The following PPP2R5D variants were observed in gnomAD, a reference collection of about 807,000 sequenced individuals.
PPP2R5D encodes the protein protein phosphatase 2 regulatory subunit B'delta.
PPP2R5D carries 12 observed loss-of-function variants against 79.1 expected under a neutral mutation model. That is an observed-to-expected ratio of 0.15 (90% CI 0.10 to 0.25). PPP2R5D has a LOEUF of 0.25. Among genes scored for constraint, PPP2R5D ranks in the 10% least tolerant of loss-of-function variants. PPP2R5D has a pLI of 1.00. For missense variants in PPP2R5D, 419 were observed against 760.2 expected, an observed-to-expected ratio of 0.55 and a Z score of 5.28; for synonymous variants, 277 against 286.6, an observed-to-expected ratio of 0.97 and a Z score of 0.34.
In PPP2R5D at chr6:43,006,471, GCAGCCCCAGCCCCAGCCC is replaced by G; in HGVS notation, c.123_140del (p.Pro42_Gln47del). On this transcript the variant is annotated inframe_deletion, in exon 3 of 16. Coordinates refer to ENST00000485511, the MANE Select transcript of PPP2R5D (RefSeq NM_006245.4). This position sits in a 1 kb window ranked among gnomAD's most constrained non-coding sequence, Gnocchi z 4.7. ...GTGACTTGTTTGACCAGGCCCAGCC[GCAGCCCCAGCCCCAGCCC>G]CAGCCCCAAGCCCAGTCTCAGCCAC... 9.9e-6 allele frequency: 16 copies of G among 1,612,868 alleles called. No individual in the cohort carries two copies. The highest frequency in any genetic ancestry group is 5.5e-5 in the South Asian group (5 of 91,012).
At chr6:42,996,005 A>AT (rs1320953993) in intron 2 of PPP2R5D, among the ~76,000 whole-genome samples, 2,426 of 111,508 alleles carry the variant, frequency 0.022, 27 homozygotes, top group South Asian at 0.037. Context: ...GGGACTTTCT[A>AT]TTTTTTTTTT....
In PPP2R5D at chr6:43,007,893, G is replaced by A. The variant is rs1274700433; in HGVS notation, c.727-42G>A. 4 of 1,610,426 alleles carry A rather than the reference G, an allele frequency of 2.5e-6. No individual in the cohort carries two copies. Among genetic ancestry groups the A allele is most frequent in the Admixed American group, 3.3e-5 (2 of 59,934 alleles). ...GTCACCCTGGCCACTGCCTTCCCTG[G>A]CTGCTGCCTCACTGGCTGCTTTCCC... On this transcript the variant is annotated intron_variant, in intron 6 of 15. Transcript: ENST00000485511. The surrounding 1 kb of genome is among the most constrained non-coding windows in gnomAD (Gnocchi z 4.5).
Position 43,006,391 on chromosome 6 carries a change from T to G in PPP2R5D, c.106-72T>G, listed in dbSNP as rs949775142. 8 of 1,552,534 alleles carry G rather than the reference T, an allele frequency of 5.2e-6. No individual in the cohort carries two copies. Among genetic ancestry groups the G allele is most frequent in the African/African-American group, 1.4e-5 (1 of 73,694 alleles). On this transcript the variant is annotated intron_variant, in intron 2 of 15. Transcript: ENST00000485511. This position sits in a 1 kb window ranked among gnomAD's most constrained non-coding sequence, Gnocchi z 4.7. Reference sequence around the variant, plus strand: ...AGGCCTGTGCAGGCATAAACAGACTTGGGGATGGCCAGGCCCAGGGTGGGA... The same window carrying G: ...AGGCCTGTGCAGGCATAAACAGACTGGGGGATGGCCAGGCCCAGGGTGGGA...
intron 2 of PPP2R5D, among the ~76,000 whole-genome samples, chr6:42,998,971 G>C (rs976072743): frequency 6.6e-6 from 1 of 152,212 alleles, no homozygotes; most frequent in African/African-American, 2.4e-5. Context: ...GGAGGCAGAG[G>C]TTGCAGTGAG....
At chr6:42,992,389 G>A (rs1477824288) in intron 2 of PPP2R5D, among the ~76,000 whole-genome samples, 1 of 152,132 alleles carries the variant, frequency 6.6e-6, no homozygotes, top group Non-Finnish European at 1.5e-5. Context: ...GGAATTTTGG[G>A]CTCTTCTAGC....
Position 42,984,628 on chromosome 6 carries a change from C to G in PPP2R5D, c.-50C>G, listed in dbSNP as rs1456630695. On this transcript the variant is annotated 5_prime_UTR_variant, in exon 1 of 16. Transcript: ENST00000485511. Reference sequence around the variant, plus strand: ...CGGGCCGAGTGCGGCCGAGCAAAGCCGGAGCCGGAGCGGGGCCGCAGGAGA... The same window carrying G: ...CGGGCCGAGTGCGGCCGAGCAAAGCGGGAGCCGGAGCGGGGCCGCAGGAGA... 6.4e-7 allele frequency: 1 copy of G among 1,567,556 alleles called. No individual in the cohort carries two copies. Among genetic ancestry groups the G allele is most frequent in the Non-Finnish European group, 8.6e-7 (1 of 1,158,312 alleles).
chr6:42,986,464 G>C (rs1272548510), intron 1 of PPP2R5D, among the ~76,000 whole-genome samples: 5 of 152,252 alleles, frequency 3.3e-5, no homozygotes, highest in African/African-American at 1.2e-4. Context: ...AGGCAGCTCT[G>C]ATTCTGAGTT....
chr6:42,986,219 G>C (rs1347238313), intron 1 of PPP2R5D, among the ~76,000 whole-genome samples: 1 of 152,108 alleles, frequency 6.6e-6, no homozygotes, highest in Non-Finnish European at 1.5e-5. Flanking sequence ...GTTCCTTTGA[G>C]GTACAGACTC....
Position 43,009,005 on chromosome 6 carries a change from G to A in PPP2R5D, c.1081-52G>A. On this transcript the variant is annotated intron_variant, in intron 10 of 15. Transcript: ENST00000485511. This position sits in a 1 kb window ranked among gnomAD's most constrained non-coding sequence, Gnocchi z 5.6. Reference sequence around the variant, plus strand: ...AGAGCAGGTAGGAAAACTTCCTGGTGACCTAGGCAGGTGCAAAGAATTTTC... The same window carrying A: ...AGAGCAGGTAGGAAAACTTCCTGGTAACCTAGGCAGGTGCAAAGAATTTTC... 2 of 1,585,842 alleles carry A rather than the reference G, an allele frequency of 1.3e-6. No individual in the cohort carries two copies. The highest frequency in any genetic ancestry group is 1.7e-6 in the Non-Finnish European group (2 of 1,162,454).
At chr6:43,003,499 A>G (rs1229427969) in intron 2 of PPP2R5D, among the ~76,000 whole-genome samples, 1 of 152,188 alleles carries the variant, frequency 6.6e-6, no homozygotes, top group Non-Finnish European at 1.5e-5. Flanking sequence ...TAAAAGCAGT[A>G]TCATACTACA....
chr6:43,007,173 C>G lies in PPP2R5D; in HGVS notation c.523-23C>G. On this transcript the variant is annotated intron_variant, in intron 4 of 15. Transcript: ENST00000485511. The surrounding 1 kb of genome is among the most constrained non-coding windows in gnomAD (Gnocchi z 4.5). ...GGGCTCTGGAGAAGCCCAGGTGGAG[C>G]TCTAACTGGCCCTACCCCTCAGTTT... 4 of 1,614,024 alleles carry G rather than the reference C, an allele frequency of 2.5e-6. No individual in the cohort carries two copies. The highest frequency in any genetic ancestry group is 3.4e-6 in the Non-Finnish European group (4 of 1,179,906).
At chr6:42,993,408 T>C (rs1006616978) in intron 2 of PPP2R5D, among the ~76,000 whole-genome samples, 3 of 151,458 alleles carry the variant, frequency 2.0e-5, no homozygotes, top group African/African-American at 7.3e-5. Flanking sequence ...GAGGCGGAGG[T>C]TGCAGTGAGA....
At chr6:43,001,215 C>T (rs916829320) in intron 2 of PPP2R5D, among the ~76,000 whole-genome samples, 2 of 152,204 alleles carry the variant, frequency 1.3e-5, no homozygotes, top group Non-Finnish European at 2.9e-5. Flanking sequence ...AGTGCAATGA[C>T]ATGATCTCAG....
At chr6:42,986,910 T>A (rs1770896668) in intron 1 of PPP2R5D, among the ~76,000 whole-genome samples, 1 of 152,106 alleles carries the variant, frequency 6.6e-6, no homozygotes, top group African/African-American at 2.4e-5. Context: ...ATAAGGTTTT[T>A]CTGCTCTTGA....
intron 2 of PPP2R5D, among the ~76,000 whole-genome samples, chr6:43,004,554 T>C (rs1267765299): frequency 6.8e-6 from 1 of 146,406 alleles, no homozygotes; most frequent in African/African-American, 2.6e-5. Context: ...ATTTTCACAT[T>C]GGATTCTTTT....
In PPP2R5D at chr6:42,989,679, C is replaced by T. The variant is rs1162385186; in HGVS notation, c.96C>T (p.Asn32=). The stretch of plus-strand genomic sequence containing the variant: ...CGGGCAAGGATGGTGGAGGCGAGAA[C>T]ACTGAGGAGGTAATGAATGTAGGCG... ...SSSGKDGGGE[N]TEEAQPQPQP... Residue 32 remains asparagine (N), a synonymous_variant, in exon 2 of 16, where the codon AAC becomes AAT. Coordinates refer to ENST00000485511, the MANE Select transcript of PPP2R5D (RefSeq NM_006245.4). 2.5e-6 allele frequency: 4 copies of T among 1,613,582 alleles called. No individual in the cohort carries two copies. The highest frequency in any genetic ancestry group is 3.4e-6 in the Non-Finnish European group (4 of 1,179,640).
intron 2 of PPP2R5D, among the ~76,000 whole-genome samples, chr6:43,002,714 T>A (rs990396665): frequency 6.6e-5 from 10 of 152,202 alleles, no homozygotes; most frequent in African/African-American, 2.2e-4. Flanking sequence ...CAAGTCCACA[T>A]CATTGTTTTT....
chr6:42,989,894 C>A (rs1771136408), intron 2 of PPP2R5D, among the ~76,000 whole-genome samples: 1 of 152,342 alleles, frequency 6.6e-6, no homozygotes, highest in South Asian at 2.1e-4. Context: ...GTTCTTCAGA[C>A]TCCCCAGAGA....
rs578001035 is a variant in PPP2R5D at position 42,992,123 on chromosome 6, G to C, written c.105+2435G>C. 1.4e-4 allele frequency among the ~76,000 whole-genome samples: 22 copies of C among 152,192 alleles called. 1 individual carries two copies. The highest frequency in any genetic ancestry group is 5.9e-4 in the Admixed American group (9 of 15,284). On this transcript the variant is annotated intron_variant, in intron 2 of 15. Transcript: ENST00000485511. Reference sequence around the variant, plus strand: ...CGCCCAGGCTGGAGTGCAGTGGCGCGATCTTGGCTCACTGCAAGTTCCATC... The same window carrying C: ...CGCCCAGGCTGGAGTGCAGTGGCGCCATCTTGGCTCACTGCAAGTTCCATC...
Sources: gnomAD v4.1 joint callset for allele counts (sites outside exome capture counted in the v4.1 genomes callset) on GRCh38, gnomAD v4.1.1 for gene constraint, Gnocchi (gnomAD v3.1) non-coding constraint, MANE v1.5 for transcripts, NCBI Gene and HGNC (gene_info 2026-07-23, HGNC 2026-07-21) for gene names.